PCDH15: variants seen among roughly 807,000 people sequenced by gnomAD.
The protein encoded by PCDH15 is protocadherin-15.
In PCDH15, 129 loss-of-function variants were observed where a neutral mutation model predicts 178.5. The ratio of observed to expected loss-of-function variants is 0.72; its 90% CI spans 0.63 to 0.84. The LOEUF is 0.84. Ranked by LOEUF, PCDH15 falls within the 40% of genes least tolerant of loss-of-function variation. PCDH15 has a pLI of 0.00. For missense variants in PCDH15, 2,230 were observed against 2,099.9 expected (o/e 1.06, Z -1.21); for synonymous variants, 800 against 732.0 (o/e 1.09, Z -1.50).
At chr10:55,468,548 A>C (rs1839889296) in intron 2 of PCDH15, 1 of 152,204 alleles carries the variant, frequency 6.6e-6, no homozygotes, top group Non-Finnish European at 1.5e-5. Flanking sequence ...TGATTCTAAA[A>C]TAGAAATACA....
chr10:54,987,810 G>A (rs935723405), intron 2 of PCDH15, among the ~76,000 whole-genome samples: 1 of 151,664 alleles, frequency 6.6e-6, no homozygotes, highest in African/African-American at 2.4e-5. Context: ...CACGCTGTAG[G>A]TTGCCTGTTC....
chr10:54,372,668 C>T (rs1260316005), intron 4 of PCDH15, among the ~76,000 whole-genome samples: 1 of 151,688 alleles, frequency 6.6e-6, no homozygotes, highest in Non-Finnish European at 1.5e-5. Context: ...AAAAATAAGC[C>T]ATGGTAATTT....
Position 54,295,306 on chromosome 10 carries a change from T to C in PCDH15, c.876+21965A>G, listed in dbSNP as rs998293698. Among the ~76,000 whole-genome samples the C allele has an allele frequency of 4.7e-4, 71 of 152,106 alleles. 1 individual carries two copies. Among genetic ancestry groups the C allele is most frequent in the Non-Finnish European group, 1.6e-4 (11 of 68,016 alleles). ...GTAAAATGGACCAATCAATTCTCTG[T>C]AAAATGGACCAATCAGCACTCTGTA... On this transcript the variant is annotated intron_variant, in intron 8 of 37. Coordinates refer to ENST00000644397, the MANE Select transcript of PCDH15 (RefSeq NM_001384140.1).
chr10:53,919,639 CG>C (rs1169709681), intron 25 of PCDH15, among the ~76,000 whole-genome samples: 2 of 152,014 alleles, frequency 1.3e-5, no homozygotes, highest in African/African-American at 4.8e-5. Context: ...AGACTGAACC[CG>C]TAACAACATA....
intron 3 of PCDH15, among the ~76,000 whole-genome samples, chr10:54,817,094 A>G (rs1255066232): frequency 6.6e-6 from 1 of 152,172 alleles, no homozygotes; most frequent in East Asian, 1.9e-4. Flanking sequence ...TGGTTTACTC[A>G]TTAAAATAAT....
At chr10:54,561,918 AT>A (rs1164593788) in intron 2 of PCDH15, among the ~76,000 whole-genome samples, 13 of 146,806 alleles carry the variant, frequency 8.9e-5, no homozygotes, top group African/African-American at 3.3e-4. Flanking sequence ...TCCTGACCTC[AT>A]TATCTGCCCA....
chr10:54,296,142 CTCAA>C (rs1465357419), intron 8 of PCDH15, among the ~76,000 whole-genome samples: 21 of 30,642 alleles, frequency 6.9e-4, no homozygotes, highest in African/African-American at 4.5e-3. Flanking sequence ...GAGACTCCGT[CTCAA>C]AAAAAAAAAA....
At chr10:54,286,089 A>C (rs538432506) in intron 8 of PCDH15, among the ~76,000 whole-genome samples, 1 of 152,306 alleles carries the variant, frequency 6.6e-6, no homozygotes, top group South Asian at 2.1e-4. Context: ...AAAAAATTCA[A>C]AGTTACATTT....
intron 25 of PCDH15, among the ~76,000 whole-genome samples, chr10:53,923,964 AT>A (rs1017652973): frequency 4.6e-5 from 7 of 151,446 alleles, no homozygotes; most frequent in Non-Finnish European, 8.8e-5. Context: ...AGGGACAATA[AT>A]TTTTTTTTCT....
intron 2 of PCDH15, among the ~76,000 whole-genome samples, chr10:54,543,445 T>C (rs905361487): frequency 6.6e-6 from 1 of 152,144 alleles, no homozygotes; most frequent in Non-Finnish European, 1.5e-5. Context: ...CCCTAGAGGT[T>C]TGAGCAGCGG....
intron 1 of PCDH15, among the ~76,000 whole-genome samples, chr10:55,292,308 A>AG (rs1843026746): frequency 6.6e-6 from 1 of 152,200 alleles, no homozygotes; most frequent in Non-Finnish European, 1.5e-5. Context: ...GCCAAAACAA[A>AG]GGGGCTACAG....
At chr10:55,334,401 G>A (rs778853860) in intron 2 of PCDH15, among the ~76,000 whole-genome samples, 10 of 149,812 alleles carry the variant, frequency 6.7e-5, no homozygotes, top group East Asian at 2.0e-4. Flanking sequence ...TCTGTCTCCC[G>A]GGTTCAAGCG....
intron 1 of PCDH15, among the ~76,000 whole-genome samples, chr10:55,307,884 T>A (rs1843472765): frequency 6.6e-6 from 1 of 152,070 alleles, no homozygotes; most frequent in Non-Finnish European, 1.5e-5. Context: ...ATTATGCAAT[T>A]ATTACTAACG....
intron 8 of PCDH15, among the ~76,000 whole-genome samples, chr10:54,292,184 T>C (rs2059459502): frequency 6.6e-6 from 1 of 152,134 alleles, no homozygotes; most frequent in African/African-American, 2.4e-5. Context: ...AATAAATAAA[T>C]GTAATCCATC....
chr10:55,419,680 GA>G (rs1235133155), intron 2 of PCDH15, among the ~76,000 whole-genome samples: 1 of 151,394 alleles, frequency 6.6e-6, no homozygotes, highest in African/African-American at 2.4e-5. Flanking sequence ...TTTTTCTTTA[GA>G]TTTTTTTCTA....
intron 29 of PCDH15, among the ~76,000 whole-genome samples, chr10:53,839,202 CAAA>C (rs758823713): frequency 2.7e-5 from 2 of 74,614 alleles, no homozygotes; most frequent in Admixed American, 1.8e-4. Context: ...GTCTCCGTCT[CAAA>C]AAAAAAAAAA....
At chr10:54,522,455 C>T (rs2082977569) in intron 3 of PCDH15, among the ~76,000 whole-genome samples, 1 of 152,134 alleles carries the variant, frequency 6.6e-6, no homozygotes, top group African/African-American at 2.4e-5. Context: ...AATGTAAATT[C>T]CCTGGATGAA....
chr10:54,500,676 A>G (rs2080587660), intron 3 of PCDH15, among the ~76,000 whole-genome samples: 1 of 152,022 alleles, frequency 6.6e-6, no homozygotes, highest in Non-Finnish European at 1.5e-5. Flanking sequence ...CTGAAAATAC[A>G]AAAATTAGCT....
intron 20 of PCDH15, among the ~76,000 whole-genome samples, chr10:54,015,414 T>A (rs1423083649): frequency 6.6e-6 from 1 of 152,020 alleles, no homozygotes; most frequent in Non-Finnish European, 1.5e-5. Flanking sequence ...AAAATTCATA[T>A]CAAACCAAAA....
Sources: gnomAD v4.1 joint callset for allele counts (sites outside exome capture counted in the v4.1 genomes callset) on GRCh38, gnomAD v4.1.1 for gene constraint, MANE v1.5 for transcripts, NCBI Gene and HGNC (gene_info 2026-07-23, HGNC 2026-07-21) for gene names.